Variants in TBXA2R observed in about 807,000 individuals in gnomAD.
TBXA2R encodes the protein prostanoid TP receptor.
In TBXA2R, 15 loss-of-function variants were observed where a neutral mutation model predicts 15.6. That is an observed-to-expected ratio of 0.96 (90% confidence interval 0.64 to 1.48). TBXA2R has a LOEUF of 1.48. Among genes scored for constraint, TBXA2R ranks in the 40% most tolerant of loss-of-function variants. The probability of loss-of-function intolerance (pLI) is 0.00; values close to 1 mark genes in which losing one functional copy is unlikely to be tolerated. For synonymous variants in TBXA2R, 280 were observed against 241.2 expected (o/e 1.16, Z -1.49); for missense variants, 506 against 491.4 (o/e 1.03, Z -0.28).
At chr19:3,597,355 T>C (rs1208984083) in intron 2 of TBXA2R, among the ~76,000 whole-genome samples, 2 of 151,270 alleles carry the variant, frequency 1.3e-5, no homozygotes, top group Non-Finnish European at 2.9e-5. Flanking sequence ...TAATGTGGCC[T>C]ATAATTGATA....
chr19:3,598,345 C>CTTTTTTTTTTTTTTT lies in TBXA2R; in HGVS notation c.786+1503_786+1504insAAAAAAAAAAAAAAA, dbSNP rs1300020033. On this transcript the variant is annotated intron_variant, in intron 2 of 2. Transcript: ENST00000375190. ...TTTCTTTTCTTTCTTTCTTTCTTTT[C>CTTTTTTTTTTTTTTT]TTTTCTTTTTTTTTTTTTTTTTTGA... Among the ~76,000 whole-genome samples, 41 of 115,378 alleles carry CTTTTTTTTTTTTTTT rather than the reference C, an allele frequency of 3.6e-4. 1 individual carries two copies. The highest frequency in any genetic ancestry group is 1.3e-3 in the African/African-American group (36 of 27,772). The allele number at this position is 115,378 out of a possible 152,430, so 75.7% of individuals were successfully genotyped here.
chr19:3,596,246 T>C (rs1599869808), intron 2 of TBXA2R, among the ~76,000 whole-genome samples: 1 of 151,834 alleles, frequency 6.6e-6, no homozygotes, highest in Non-Finnish European at 1.5e-5. Flanking sequence ...GCCAGGCTGG[T>C]CTCGAACTCC....
At position 3,595,936 on chromosome 19, in the gene TBXA2R, G is replaced by A. The variant is rs375924998; in HGVS notation, c.787-3C>T. ...AGCACTGTCTGGGCGATGAAGACCT[G>A]CAAAGGGGAGAGCTGTCAGCCTGGG... On this transcript the variant is annotated splice_region_variant and splice_polypyrimidine_tract_variant and intron_variant, in intron 2 of 2. Coordinates refer to ENST00000375190, the MANE Select transcript of TBXA2R (RefSeq NM_001060.6). The A allele has an allele frequency of 8.2e-6, 13 of 1,583,798 alleles. No individual in the cohort carries two copies. Among genetic ancestry groups the A allele is most frequent in the Non-Finnish European group, 8.6e-6 (10 of 1,166,736 alleles).
intron 1 of TBXA2R, among the ~76,000 whole-genome samples, chr19:3,601,699 G>C (rs2032741734): frequency 1.3e-5 from 2 of 152,112 alleles, no homozygotes; most frequent in African/African-American, 4.8e-5. Flanking sequence ...GGTTGAGGTG[G>C]GTGGATCATC....
chr19:3,594,883 G>T lies in TBXA2R; in HGVS notation c.*805C>A, dbSNP rs2032563779. 1 of 1,536,810 alleles carries T rather than the reference G, an allele frequency of 6.5e-7. No individual in the cohort carries two copies. The highest frequency in any genetic ancestry group is 2.0e-5 in the Admixed American group (1 of 50,982). On this transcript the variant is annotated 3_prime_UTR_variant, in exon 3 of 3. Transcript: ENST00000375190. ...TTCCCTGTTGGAGGTTCAAAAGGAA[G>T]CAACTGTACCCCAGCAAGTAGGTCA... is the stretch of plus-strand genomic sequence containing the variant.
rs147951326 is a variant in TBXA2R at position 3,597,212 on chromosome 19, G to T, written c.787-1279C>A. On this transcript the variant is annotated intron_variant, in intron 2 of 2. Coordinates refer to ENST00000375190, the MANE Select transcript of TBXA2R (RefSeq NM_001060.6). ...CCGCCTTAGCTTCCCAAAGTGCTGG[G>T]ATTACAGGCATGAGCCACCGCGCCT... Among the ~76,000 whole-genome samples, 460 of 151,612 alleles carry T rather than the reference G, an allele frequency of 3.0e-3. 5 individuals carry two copies. Among genetic ancestry groups the T allele is most frequent in the African/African-American group, 0.011 (440 of 41,444 alleles).
At chr19:3,598,738 G>A (rs568054508) in intron 2 of TBXA2R, among the ~76,000 whole-genome samples, 4 of 151,270 alleles carry the variant, frequency 2.6e-5, no homozygotes, top group South Asian at 2.1e-4. Flanking sequence ...ACGTGATCTC[G>A]GCTCACTGCA....
chr19:3,595,169 A>G lies in TBXA2R; in HGVS notation c.*519T>C. ...TGAGGCTGGTGAATCACCTGAGGTC[A>G]GGAGTTCAAGACCAGCCTGGCCAAC... On this transcript the variant is annotated 3_prime_UTR_variant, in exon 3 of 3. Coordinates refer to ENST00000375190, the MANE Select transcript of TBXA2R (RefSeq NM_001060.6). 1 of 616,912 alleles carries G rather than the reference A, an allele frequency of 1.6e-6. No homozygotes were observed. Among genetic ancestry groups the G allele is most frequent in the Non-Finnish European group, 2.7e-6 (1 of 372,258 alleles). The allele number at this position is 616,912 out of a possible 1,614,324, so 38.2% of individuals were successfully genotyped here. A position where few individuals can be genotyped will look rare whatever the true frequency, so the allele number is the denominator to read the frequency against.
rs775983717 is a variant in TBXA2R, at chr19:3,599,870, G to A, written c.765C>T (p.Ser255=). 3.9e-6 allele frequency: 6 copies of A among 1,549,140 alleles called. No homozygotes were observed. Among genetic ancestry groups the A allele is most frequent in the East Asian group, 4.9e-5 (2 of 40,914 alleles). ...AQLLGIMVVA[S]VCWLPLLVFI... ...TCACCAGAAGGGGCAGCCAACACACGCTGGCCACCACCATGATCCCCAGGA... is the reference window on the plus strand; with the variant it reads ...TCACCAGAAGGGGCAGCCAACACACACTGGCCACCACCATGATCCCCAGGA... Residue 255 remains serine (S), a synonymous_variant, in exon 2 of 3, where the codon AGC becomes AGT. Transcript: ENST00000375190.
At chr19:3,597,070 G>C (rs2032618162) in intron 2 of TBXA2R, among the ~76,000 whole-genome samples, 1 of 151,296 alleles carries the variant, frequency 6.6e-6, no homozygotes, top group Non-Finnish European at 1.5e-5. Context: ...CTCCCGAGTA[G>C]CTGGGATTAC....
chr19:3,594,843 T>C lies in TBXA2R; in HGVS notation c.*845A>G. On this transcript the variant is annotated 3_prime_UTR_variant, in exon 3 of 3. Coordinates refer to ENST00000375190, the MANE Select transcript of TBXA2R (RefSeq NM_001060.6). ...GGGTGCCCCCGTTCACATTCAATCCTTTCTGGACAGAGCCTTCCCTGTTGG... is the reference window on the plus strand; with the variant it reads ...GGGTGCCCCCGTTCACATTCAATCCCTTCTGGACAGAGCCTTCCCTGTTGG... 6.5e-7 allele frequency: 1 copy of C among 1,536,782 alleles called. No homozygotes were observed. The highest frequency in any genetic ancestry group is 8.7e-7 in the Non-Finnish European group (1 of 1,146,704).
rs1358219961 is a variant in TBXA2R at position 3,606,867 on chromosome 19, C to G, written c.-421G>C. ...GCAGCCCGCGGCTCGCTCTCTCCGT[C>G]CAGTCTCTGTCTCCCGCTGTCTCTC... On this transcript the variant is annotated 5_prime_UTR_variant, in exon 1 of 3. Coordinates refer to ENST00000375190, the MANE Select transcript of TBXA2R (RefSeq NM_001060.6). The G allele has an allele frequency of 6.6e-6, 1 of 152,326 alleles. No homozygotes were observed. Among genetic ancestry groups the G allele is most frequent in the Non-Finnish European group, 1.5e-5 (1 of 68,130 alleles). 9.4% of individuals were successfully genotyped at this position (152,326 alleles called of 1,614,324 possible).
At position 3,595,353 on chromosome 19, in the gene TBXA2R, T is replaced by C; in HGVS notation, c.*335A>G. 7 of 1,363,002 alleles carry C rather than the reference T, an allele frequency of 5.1e-6. No individual in the cohort carries two copies. The highest frequency in any genetic ancestry group is 2.7e-4 in the Middle Eastern group (1 of 3,650). 84.4% of individuals were successfully genotyped at this position (1,363,002 alleles called of 1,614,324 possible). A position where few individuals can be genotyped will look rare whatever the true frequency, so the allele number is the denominator to read the frequency against. On this transcript the variant is annotated 3_prime_UTR_variant, in exon 3 of 3. Coordinates refer to ENST00000375190, the MANE Select transcript of TBXA2R (RefSeq NM_001060.6). ...GAGATTGCGCCACTGCACTCCAGCC[T>C]GGGGGACAGAGCAAGACTCCGTCTA...
chr19:3,601,795 C>T (rs890392987), intron 1 of TBXA2R, among the ~76,000 whole-genome samples: 2 of 151,998 alleles, frequency 1.3e-5, no homozygotes, highest in Admixed American at 6.6e-5. Flanking sequence ...GGCATGGTGG[C>T]GGGCGCCTGT....
At chr19:3,604,381 A>ACCAGGCCTGGCTGCC (rs2032792311) in intron 1 of TBXA2R, among the ~76,000 whole-genome samples, 3 of 152,040 alleles carry the variant, frequency 2.0e-5, no homozygotes, top group Non-Finnish European at 4.4e-5. Context: ...GGGCGTGGGC[A>ACCAGGCCTGGCTGCC]CCAGGCCTGG....
rs201880077 is a variant in TBXA2R at position 3,594,973 on chromosome 19, G to A, written c.*715C>T. ...CTTACGCCTGTAATCCCAGCTGCTC[G>A]GGAGGCTGAGGCACGAGAATCGCTT... On this transcript the variant is annotated 3_prime_UTR_variant, in exon 3 of 3. Transcript: ENST00000375190. The A allele has an allele frequency of 1.9e-4, 284 of 1,531,294 alleles. No individual in the cohort carries two copies. The highest frequency in any genetic ancestry group is 2.4e-4 in the Non-Finnish European group (271 of 1,143,454). The allele number at this position is 1,531,294 out of a possible 1,614,324, so 94.9% of individuals were successfully genotyped here.
In TBXA2R at chr19:3,594,868, G is replaced by A. The variant is rs980820130; in HGVS notation, c.*820C>T. ...TTTCTGGACAGAGCCTTCCCTGTTG[G>A]AGGTTCAAAAGGAAGCAACTGTACC... On this transcript the variant is annotated 3_prime_UTR_variant, in exon 3 of 3. Transcript: ENST00000375190. 8.5e-6 allele frequency: 13 copies of A among 1,536,948 alleles called. No individual in the cohort carries two copies. The highest frequency in any genetic ancestry group is 1.1e-5 in the Non-Finnish European group (13 of 1,146,838).
In TBXA2R at chr19:3,595,903, G is replaced by A. The variant is rs773433141; in HGVS notation, c.817C>T (p.Pro273Ser). Residue 273 changes from proline to serine, a missense_variant, in exon 3 of 3, where the codon CCG becomes TCG. By Grantham distance (74) the Pro-to-Ser change is moderately conservative. Coordinates refer to ENST00000375190, the MANE Select transcript of TBXA2R (RefSeq NM_001060.6). ...VFIAQTVLRN[P>S]PAMSPAGQLS... ...TGCCCGGCGGGGCTCATGGCAGGCG[G>A]GTTTCGCAGCACTGTCTGGGCGATG... 2.5e-6 allele frequency: 4 copies of A among 1,603,086 alleles called. No homozygotes were observed. The highest frequency in any genetic ancestry group is 3.4e-6 in the Non-Finnish European group (4 of 1,175,836).
intron 1 of TBXA2R, among the ~76,000 whole-genome samples, chr19:3,605,035 C>T (rs2032803981): frequency 6.6e-6 from 1 of 152,250 alleles, no homozygotes; most frequent in African/African-American, 2.4e-5. Flanking sequence ...TTTCCGAGAA[C>T]ATTTCCTGTT....
Sources: allele counts gnomAD v4.1 joint callset (sites outside exome capture counted in the v4.1 genomes callset), GRCh38; gene constraint gnomAD v4.1.1; transcripts MANE v1.5; gene names NCBI Gene and HGNC (gene_info 2026-07-23, HGNC 2026-07-21).